Variants in XRCC4 observed in about 807,000 individuals in gnomAD.
The protein encoded by XRCC4 is X-ray repair cross complementing 4, also known as DNA repair protein XRCC4.
A neutral mutation model predicts 39.1 loss-of-function variants in XRCC4; 28 were observed. The observed-to-expected ratio is 0.72, with a 90% CI of 0.53 to 0.98. XRCC4 has a LOEUF of 0.98. XRCC4 is among the 50% of genes least tolerant of loss of function. XRCC4 has a pLI of 0.00. For missense variants in XRCC4, 350 were observed against 376.4 expected (o/e 0.93, Z 0.58); for synonymous variants, 123 against 126.4 (o/e 0.97, Z 0.18).
chr5:83,238,292 C>T (rs1040026548), intron 6 of XRCC4, among the ~76,000 whole-genome samples: 1 of 152,140 alleles, frequency 6.6e-6, no homozygotes, highest in East Asian at 1.9e-4. Context: ...GTATGATTTA[C>T]CTTATTACCT....
chr5:83,124,870 G>A (rs1344139558), intron 3 of XRCC4, among the ~76,000 whole-genome samples: 1 of 152,196 alleles, frequency 6.6e-6, no homozygotes, highest in Non-Finnish European at 1.5e-5. Context: ...CTAGGATTGT[G>A]AATGCAGGGC....
chr5:83,137,486 CA>C, intron 3 of XRCC4, among the ~76,000 whole-genome samples: 1 of 152,070 alleles, frequency 6.6e-6, no homozygotes, highest in South Asian at 2.1e-4. Context: ...TCTTATATTT[CA>C]AAATATTACT....
chr5:83,218,285 C>T (rs1427744033), intron 6 of XRCC4, among the ~76,000 whole-genome samples: 3 of 141,086 alleles, frequency 2.1e-5, no homozygotes, highest in African/African-American at 2.7e-5. Context: ...AAAGATGGTA[C>T]ATACTCTGCA....
chr5:83,345,015 CAT>C (rs571431917), intron 7 of XRCC4, among the ~76,000 whole-genome samples: 6 of 152,218 alleles, frequency 3.9e-5, no homozygotes, highest in South Asian at 4.1e-4. Flanking sequence ...AGCTTATTAT[CAT>C]ATGTTTCTTT....
the XRCC4 span, among the ~76,000 whole-genome samples, chr5:83,363,553 C>T: frequency 6.6e-6 from 1 of 152,054 alleles, no homozygotes; most frequent in Non-Finnish European, 1.5e-5. Flanking sequence ...TCCCAGCCTG[C>T]CTGGGAAACT....
intron 3 of XRCC4, among the ~76,000 whole-genome samples, chr5:83,145,694 T>C (rs1748420153): frequency 6.6e-6 from 1 of 152,206 alleles, no homozygotes; most frequent in Non-Finnish European, 1.5e-5. Context: ...TGAAAGCCTG[T>C]CTTCAGGATC....
intron 1 of XRCC4, chr5:83,077,850 C>T (rs10474078): frequency 0.067 from 10,543 of 156,994 alleles, 543 homozygotes; most frequent in Non-Finnish European, 0.098. Flanking sequence ...TTTTCAGTTT[C>T]TCCGTTTGCA....
chr5:83,336,067 T>C (rs1756585566), intron 7 of XRCC4, among the ~76,000 whole-genome samples: 1 of 152,064 alleles, frequency 6.6e-6, no homozygotes, highest in African/African-American at 2.4e-5. Context: ...ATAGGAAATA[T>C]TGAACATCCT....
intron 7 of XRCC4, among the ~76,000 whole-genome samples, chr5:83,284,359 A>G (rs918614519): frequency 1.8e-4 from 28 of 152,192 alleles, no homozygotes; most frequent in Non-Finnish European, 3.7e-4. Context: ...CTAATGTTTT[A>G]ATTTGCTTAA....
intron 6 of XRCC4, among the ~76,000 whole-genome samples, chr5:83,251,196 A>G (rs1753296336): frequency 6.6e-6 from 1 of 152,198 alleles, no homozygotes; most frequent in South Asian, 2.1e-4. Flanking sequence ...GGTCTGAAGA[A>G]CTGAATTCCT....
the XRCC4 span, among the ~76,000 whole-genome samples, chr5:83,362,438 T>C: frequency 2.6e-5 from 4 of 152,146 alleles, no homozygotes; most frequent in African/African-American, 7.2e-5. Flanking sequence ...TCCTTAGAAT[T>C]TGGAATTTCA....
At chr5:83,222,841 T>G (rs1214395525) in intron 6 of XRCC4, among the ~76,000 whole-genome samples, 1 of 152,048 alleles carries the variant, frequency 6.6e-6, no homozygotes, top group African/African-American at 2.4e-5. Context: ...TCGACTTCCC[T>G]GGCTCAAGTG....
At chr5:83,340,810 C>T (rs567059557) in intron 7 of XRCC4, among the ~76,000 whole-genome samples, 1 of 152,252 alleles carries the variant, frequency 6.6e-6, no homozygotes, top group East Asian at 1.9e-4. Context: ...CCATAGGAAA[C>T]AAAAACAGCT....
At chr5:83,215,661 AGTAAGCCTTCATGTTTACG>A (rs1268073647) in intron 6 of XRCC4, among the ~76,000 whole-genome samples, 3 of 152,236 alleles carry the variant, frequency 2.0e-5, no homozygotes, top group East Asian at 3.8e-4. Flanking sequence ...AGACTGTAGA[AGTAAGCCTTCATGTTTACG>A]GTCAATTGGT....
rs1754283925 is a variant in XRCC4 at position 83,275,251 on chromosome 5, C to T, written c.893+16574C>T. Among the ~76,000 whole-genome samples the T allele has an allele frequency of 1.3e-5, 2 of 150,958 alleles. 1 individual carries two copies. The highest frequency in any genetic ancestry group is 2.9e-5 in the Non-Finnish European group (2 of 67,886). On this transcript the variant is annotated intron_variant, in intron 7 of 7. Transcript: ENST00000396027. ...ATGGGAAGAACTCAGAAAGAAACAG[C>T]TTTGCAGGTCGTGAAAATAGATGGT...
At chr5:83,309,296 A>AAAAAAATATATATATAT (rs1561467702) in intron 7 of XRCC4, among the ~76,000 whole-genome samples, 3 of 72,218 alleles carry the variant, frequency 4.2e-5, no homozygotes, top group Non-Finnish European at 6.2e-5. Flanking sequence ...AAAAAAAAAA[A>AAAAAAATATATATATAT]ATATATATAT....
intron 2 of XRCC4, among the ~76,000 whole-genome samples, chr5:83,108,898 A>G (rs565920483): frequency 1.3e-5 from 2 of 150,484 alleles, no homozygotes; most frequent in Middle Eastern, 3.4e-3. Context: ...TGAAAGATCA[A>G]TAGGTTTGAT....
chr5:83,202,953 C>T (rs1751270399), intron 4 of XRCC4, among the ~76,000 whole-genome samples: 1 of 151,970 alleles, frequency 6.6e-6, no homozygotes, highest in South Asian at 2.1e-4. Flanking sequence ...TAGTGTTTTA[C>T]ATTTGCTGTT....
chr5:83,353,466 C>T lies in XRCC4; in HGVS notation c.*224C>T, dbSNP rs900605246. On this transcript the variant is annotated 3_prime_UTR_variant, in exon 8 of 8. Transcript: ENST00000396027. ...TATTCTAAACTATTCATTCAGCATG[C>T]CTATAATTACATAAATTGTATGAGA... is the stretch of plus-strand genomic sequence containing the variant. 8.9e-6 allele frequency: 3 copies of T among 335,994 alleles called. No homozygotes were observed. The highest frequency in any genetic ancestry group is 1.6e-5 in the Non-Finnish European group (3 of 185,940). 20.8% of individuals were successfully genotyped at this position (335,994 alleles called of 1,614,324 possible).
Sources: gnomAD v4.1 joint callset for allele counts (sites outside exome capture counted in the v4.1 genomes callset) on GRCh38, gnomAD v4.1.1 for gene constraint, MANE v1.5 for transcripts, NCBI Gene and HGNC (gene_info 2026-07-23, HGNC 2026-07-21) for gene names.